The following CNMD variants were observed in gnomAD, a reference collection of about 807,000 sequenced individuals.
The protein encoded by CNMD is chondromodulin.
A neutral mutation model predicts 37.5 loss-of-function variants in CNMD; 30 were observed. The observed-to-expected ratio is 0.80, with a 90% confidence interval of 0.60 to 1.09. The LOEUF is 1.09. Ranked by LOEUF, CNMD falls within the 50% of genes least tolerant of loss-of-function variation. The pLI, the probability that CNMD is intolerant of heterozygous loss-of-function variation, is 0.00. For missense variants in CNMD, 398 were observed against 423.9 expected, an observed-to-expected ratio of 0.94 and a Z score of 0.54; for synonymous variants, 167 against 148.2, an observed-to-expected ratio of 1.13 and a Z score of -0.92.
chr13:52,726,701 A>G (rs1228905404), intron 3 of CNMD, among the ~76,000 whole-genome samples: 23 of 152,122 alleles, frequency 1.5e-4, no homozygotes. Context: ...GCAATAAAAC[A>G]TGACACTCCC....
intron 2 of CNMD, among the ~76,000 whole-genome samples, chr13:52,737,520 A>G (rs1454341727): frequency 1.3e-5 from 2 of 152,172 alleles, no homozygotes; most frequent in Admixed American, 6.5e-5. Flanking sequence ...TGATTGTTTA[A>G]TCTCTCTTTT....
intron 3 of CNMD, among the ~76,000 whole-genome samples, chr13:52,731,607 C>T (rs1964670910): frequency 6.6e-6 from 1 of 152,116 alleles, no homozygotes; most frequent in African/African-American, 2.4e-5. Context: ...CAATCGATAC[C>T]ATTATTAGAA....
chr13:52,725,190 T>C (rs1964551720), intron 3 of CNMD, among the ~76,000 whole-genome samples: 1 of 152,210 alleles, frequency 6.6e-6, no homozygotes, highest in Non-Finnish European at 1.5e-5. Flanking sequence ...ATTCCTCAAC[T>C]GGGATGCTTA....
At position 52,705,357 on chromosome 13, in the gene CNMD, T is replaced by A. The variant is rs141071829; in HGVS notation, c.790-1547A>T. 4.8e-3 allele frequency among the ~76,000 whole-genome samples: 729 copies of A among 152,316 alleles called. 4 individuals carry two copies. Among genetic ancestry groups the A allele is most frequent in the African/African-American group, 0.016 (671 of 41,568 alleles). On this transcript the variant is annotated intron_variant, in intron 6 of 6. Transcript: ENST00000377962. ...TCCTAAATTTACAACCAGATTGCCA[T>A]TATCACAAAATTAACAACATGATCT...
At chr13:52,706,346 G>A (rs1230986834) in intron 6 of CNMD, among the ~76,000 whole-genome samples, 1 of 152,066 alleles carries the variant, frequency 6.6e-6, no homozygotes, top group Non-Finnish European at 1.5e-5. Flanking sequence ...CTCATGCTTC[G>A]GTATTTATGC....
In CNMD at chr13:52,703,576, C is replaced by G. The variant is rs766477684; in HGVS notation, c.*19G>C. On this transcript the variant is annotated 3_prime_UTR_variant, in exon 7 of 7. Transcript: ENST00000377962. ...TTCAGCTAGTTCTTATTTTACAGCA[C>G]ATGATATATGAAGTGATTTCACACC... is the stretch of plus-strand genomic sequence containing the variant. 7.7e-6 allele frequency: 12 copies of G among 1,551,804 alleles called. No individual in the cohort carries two copies. The highest frequency in any genetic ancestry group is 1.7e-5 in the Admixed American group (1 of 59,730).
At chr13:52,719,064 C>G (rs117195258) in intron 4 of CNMD, among the ~76,000 whole-genome samples, 420 of 152,236 alleles carry the variant, frequency 2.8e-3, no homozygotes, top group South Asian at 8.9e-3. Flanking sequence ...TTGCATTGAT[C>G]CTTTTACCAT....
intron 4 of CNMD, among the ~76,000 whole-genome samples, chr13:52,716,060 G>A (rs1230330156): frequency 2.6e-5 from 4 of 151,696 alleles, no homozygotes; most frequent in African/African-American, 9.7e-5. Context: ...GGTATGAGAT[G>A]GTATCTCATT....
Position 52,703,353 on chromosome 13 carries a change from A to T in CNMD, c.*242T>A, listed in dbSNP as rs1964115104. On this transcript the variant is annotated 3_prime_UTR_variant, in exon 7 of 7. Coordinates refer to ENST00000377962, the MANE Select transcript of CNMD (RefSeq NM_007015.3). Reference sequence around the variant, plus strand: ...AGACTTATGGCAAAGCAATGCAAATAAAAAATAACAAATAATAAAGGGGTT... The same window carrying T: ...AGACTTATGGCAAAGCAATGCAAATTAAAAATAACAAATAATAAAGGGGTT... 7 of 395,458 alleles carry T rather than the reference A, an allele frequency of 1.8e-5. No homozygotes were observed. Among genetic ancestry groups the T allele is most frequent in the Admixed American group, 4.1e-5 (1 of 24,586 alleles). 24.5% of individuals were successfully genotyped at this position (395,458 alleles called of 1,614,324 possible).
At chr13:52,707,137 A>G (rs4884247) in intron 6 of CNMD, among the ~76,000 whole-genome samples, 150,393 of 151,560 alleles carry the variant, frequency 0.99, 74,618 homozygotes, top group East Asian at 1. Context: ...CAGGTGATCC[A>G]CCCACCTCAG....
chr13:52,723,984 T>A lies in CNMD; in HGVS notation c.468+13A>T, dbSNP rs1316325619. ...CCAAGCAGTCTCACTGTCTCAGGCA[T>A]GTTGGTACCCACCAGTTTGGAGGAG... On this transcript the variant is annotated intron_variant, in intron 4 of 6. Coordinates refer to ENST00000377962, the MANE Select transcript of CNMD (RefSeq NM_007015.3). The A allele has an allele frequency of 2.6e-6, 4 of 1,539,404 alleles. No individual in the cohort carries two copies. The highest frequency in any genetic ancestry group is 2.7e-6 in the Non-Finnish European group (3 of 1,111,898).
intron 4 of CNMD, among the ~76,000 whole-genome samples, 170 bp downstream of exon 4, chr13:52,723,827 G>A (rs61959657): frequency 0.25 from 37,807 of 152,060 alleles, 5,883 homozygotes; most frequent in Middle Eastern, 0.36. Flanking sequence ...TGCTCAGGAA[G>A]CTGAGACAGG....
In CNMD at chr13:52,703,615, G is replaced by A. The variant is rs779135748; in HGVS notation, c.985C>T (p.Arg329Cys). ...VIMPCSWWVA[R>C]ILGMV ...TGATTTCACACCATGCCCAAGATACGGGCCACCCACCAGCTACATGGCATG... is the reference window on the plus strand; with the variant it reads ...TGATTTCACACCATGCCCAAGATACAGGCCACCCACCAGCTACATGGCATG... Residue 329 changes from arginine to cysteine, a missense_variant, in exon 7 of 7, where the codon CGT becomes TGT. By Grantham distance (180) the Arg-to-Cys change is radical (BLOSUM62 -3). Transcript: ENST00000377962. 1.6e-5 allele frequency: 25 copies of A among 1,611,946 alleles called. 1 individual carries two copies. The highest frequency in any genetic ancestry group is 2.2e-5 in the South Asian group (2 of 91,030).
Position 52,703,273 on chromosome 13 carries a change from A to C in CNMD, c.*322T>G. The C allele has an allele frequency of 4.8e-6, 1 of 209,594 alleles. No homozygotes were observed. The allele number at this position is 209,594 out of a possible 1,614,324, so 13.0% of individuals were successfully genotyped here. ...AAGTGTACAATTGAGATTTTTGGCA[A>C]ACTGTAAATTTTCATGTTTATTTCA... On this transcript the variant is annotated 3_prime_UTR_variant, in exon 7 of 7. Transcript: ENST00000377962.
chr13:52,710,545 C>T (rs947565523), intron 5 of CNMD, among the ~76,000 whole-genome samples: 8 of 152,204 alleles, frequency 5.3e-5, no homozygotes, highest in African/African-American at 1.9e-4. Context: ...GCTTCAAGAT[C>T]CAAGGGCATG....
Position 52,703,544 on chromosome 13 carries a change from T to G in CNMD, c.*51A>C, listed in dbSNP as rs769580305. 7.6e-7 allele frequency: 1 copy of G among 1,315,314 alleles called. No homozygotes were observed. Among genetic ancestry groups the G allele is most frequent in the Non-Finnish European group, 1.1e-6 (1 of 916,696 alleles). 81.5% of individuals were successfully genotyped at this position (1,315,314 alleles called of 1,614,324 possible). On this transcript the variant is annotated 3_prime_UTR_variant, in exon 7 of 7. Coordinates refer to ENST00000377962, the MANE Select transcript of CNMD (RefSeq NM_007015.3). Reference sequence around the variant, plus strand: ...TCAACCTGCCTTAATGCTTCTTTGGTTGTCTCTTCAGCTAGTTCTTATTTT... The same window carrying G: ...TCAACCTGCCTTAATGCTTCTTTGGGTGTCTCTTCAGCTAGTTCTTATTTT...
intron 4 of CNMD, among the ~76,000 whole-genome samples, chr13:52,718,625 G>C (rs938006926): frequency 1.3e-5 from 2 of 152,152 alleles, no homozygotes; most frequent in Non-Finnish European, 2.9e-5. Context: ...GGAGCAGGTT[G>C]TTCAGTTTCC....
At chr13:52,704,199 A>G (rs1228376315) in intron 6 of CNMD, among the ~76,000 whole-genome samples, 1 of 152,236 alleles carries the variant, frequency 6.6e-6, no homozygotes, top group East Asian at 1.9e-4. Flanking sequence ...AGTCAGTGGA[A>G]TGCTTGTGGC....
At chr13:52,709,833 C>T (rs1365338278) in intron 5 of CNMD, among the ~76,000 whole-genome samples, 2 of 152,042 alleles carry the variant, frequency 1.3e-5, no homozygotes, top group Non-Finnish European at 2.9e-5. Flanking sequence ...ATTAGCCGGG[C>T]GTGGTGGCAG....
Sources: allele counts gnomAD v4.1 joint callset (sites outside exome capture counted in the v4.1 genomes callset), GRCh38; gene constraint gnomAD v4.1.1; transcripts MANE v1.5; gene names NCBI Gene and HGNC (gene_info 2026-07-23, HGNC 2026-07-21).